Variants in TTBK2 observed in about 807,000 individuals in gnomAD.
TTBK2 encodes the protein tau-tubulin kinase 2.
In TTBK2, 28 loss-of-function variants were observed where a neutral mutation model predicts 110.8. That is an observed-to-expected ratio of 0.25 (90% CI 0.19 to 0.35). The LOEUF (loss-of-function observed/expected upper bound fraction) is 0.35. Ranked by LOEUF, TTBK2 falls within the 10% of genes least tolerant of loss-of-function variation. TTBK2 has a pLI of 1.00. For synonymous variants in TTBK2, 532 were observed against 527.3 expected, an observed-to-expected ratio of 1.01 and a Z score of -0.12; for missense variants, 1,369 against 1,500.3, an observed-to-expected ratio of 0.91 and a Z score of 1.45.
At chr15:42,851,532 T>C (rs1291448870) in intron 3 of TTBK2, among the ~76,000 whole-genome samples, 1 of 152,048 alleles carries the variant, frequency 6.6e-6, no homozygotes, top group Admixed American at 6.6e-5. Context: ...AGTGACTGAA[T>C]TTAAGGGACA....
chr15:42,884,693 A>T (rs1895174852), intron 1 of TTBK2, among the ~76,000 whole-genome samples: 1 of 152,176 alleles, frequency 6.6e-6, no homozygotes, highest in Admixed American at 6.5e-5. Context: ...CTAATGGTTT[A>T]ATCAATCAGG....
intron 10 of TTBK2, among the ~76,000 whole-genome samples, chr15:42,791,887 A>G (rs1318768742): frequency 6.6e-6 from 1 of 152,190 alleles, no homozygotes; most frequent in East Asian, 1.9e-4. Context: ...CGTGCCTGTG[A>G]TCTCAGTACT....
At chr15:42,764,803 C>T (rs1889279185) in intron 13 of TTBK2, among the ~76,000 whole-genome samples, 1 of 152,224 alleles carries the variant, frequency 6.6e-6, no homozygotes, top group Non-Finnish European at 1.5e-5. Flanking sequence ...AGACTGCCTC[C>T]TCAAGTGGGT....
chr15:42,796,912 G>C (rs1890969299), intron 9 of TTBK2, among the ~76,000 whole-genome samples: 1 of 152,190 alleles, frequency 6.6e-6, no homozygotes, highest in South Asian at 2.1e-4. Context: ...AAAAGATAAA[G>C]GGAACTGGAA....
At chr15:42,831,028 G>GTA (rs1305748252) in intron 4 of TTBK2, among the ~76,000 whole-genome samples, 7 of 150,016 alleles carry the variant, frequency 4.7e-5, no homozygotes, top group African/African-American at 1.7e-4. Context: ...ATATATGTGT[G>GTA]TGTGTGTGTG....
chr15:42,900,946 A>G (rs6493070), intron 1 of TTBK2, among the ~76,000 whole-genome samples: 143,848 of 152,248 alleles, frequency 0.94, 68,098 homozygotes, highest in East Asian at 1. Flanking sequence ...TCAACAAATG[A>G]TGTTGGGGAA....
chr15:42,896,018 A>C (rs1895653393), intron 1 of TTBK2, among the ~76,000 whole-genome samples: 1 of 152,146 alleles, frequency 6.6e-6, no homozygotes, highest in African/African-American at 2.4e-5. Flanking sequence ...ACAAAGATGC[A>C]AAGGCAATTC....
intron 1 of TTBK2, among the ~76,000 whole-genome samples, chr15:42,902,063 A>C (rs2141191509): frequency 6.6e-6 from 1 of 151,678 alleles, no homozygotes; most frequent in South Asian, 2.1e-4. Context: ...TAAAAATACA[A>C]AAATTAGCCA....
In TTBK2 at chr15:42,739,846, T is replaced by A. The variant is rs1251230615; in HGVS notation, c.*5949A>T. 1 of 152,150 alleles carries A rather than the reference T, an allele frequency of 6.6e-6. No homozygotes were observed. The highest frequency in any genetic ancestry group is 2.4e-5 in the African/African-American group (1 of 41,434). 9.4% of individuals were successfully genotyped at this position (152,150 alleles called of 1,614,324 possible). On this transcript the variant is annotated 3_prime_UTR_variant, in exon 15 of 15. Coordinates refer to ENST00000267890, the MANE Select transcript of TTBK2 (RefSeq NM_173500.4). The stretch of plus-strand genomic sequence containing the variant: ...CGAGTGAAGAATGCCCACACAGAGT[T>A]CAGATGTGGTGAAATGCTGGGCATT...
intron 13 of TTBK2, among the ~76,000 whole-genome samples, chr15:42,754,624 C>T (rs1261643752): frequency 2.7e-5 from 4 of 148,712 alleles, no homozygotes; most frequent in South Asian, 2.2e-4. Flanking sequence ...CTTGAACTCC[C>T]GACCTTAGGT....
chr15:42,787,866 G>A (rs534069352), intron 10 of TTBK2, among the ~76,000 whole-genome samples: 18 of 152,078 alleles, frequency 1.2e-4, no homozygotes, highest in African/African-American at 3.4e-4. Context: ...AAATGCCATC[G>A]TTAAGCAATT....
intron 7 of TTBK2, among the ~76,000 whole-genome samples, chr15:42,815,959 ATAT>A (rs1435079715): frequency 0.019 from 310 of 16,052 alleles, 13 homozygotes; most frequent in South Asian, 0.093. Context: ...TAAAAAAAAA[ATAT>A]ATATATATAT....
chr15:42,776,941 T>C, intron 12 of TTBK2, 90 bp downstream of exon 12: 3 of 1,391,712 alleles, frequency 2.2e-6, no homozygotes, highest in Non-Finnish European at 3.0e-6. Flanking sequence ...AGACTTTATG[T>C]AACAGAAATA....
chr15:42,802,743 G>A (rs1891278428), intron 9 of TTBK2, among the ~76,000 whole-genome samples: 1 of 152,180 alleles, frequency 6.6e-6, no homozygotes, highest in Non-Finnish European at 1.5e-5. Context: ...AATACTGAGT[G>A]TCAAATTGAC....
chr15:42,749,482 G>C (rs758083535), intron 14 of TTBK2, among the ~76,000 whole-genome samples: 3 of 152,210 alleles, frequency 2.0e-5, no homozygotes, highest in Non-Finnish European at 4.4e-5. Context: ...ATGGCAGGCA[G>C]CTGTGCACTT....
rs867218560 is a variant in TTBK2, at chr15:42,825,289, G to A, written c.537+2639C>T. 6.6e-5 allele frequency among the ~76,000 whole-genome samples: 10 copies of A among 152,272 alleles called. No homozygotes were observed. The South Asian group carries it at 8.3e-4, about 13-fold the overall frequency. ...CTAACTCCAAAACAAGTACCCTCAA[G>A]ATCTGCAGAAGAGAGAAGAAAGAAA... On this transcript the variant is annotated intron_variant, in intron 6 of 14. Transcript: ENST00000267890.
At chr15:42,793,944 C>G (rs145019245) in intron 10 of TTBK2, among the ~76,000 whole-genome samples, 1 of 151,906 alleles carries the variant, frequency 6.6e-6, no homozygotes, top group Non-Finnish European at 1.5e-5. Flanking sequence ...AGAGACGGGT[C>G]CCACTCTGTT....
chr15:42,780,342 T>C (rs1890131263), intron 11 of TTBK2, among the ~76,000 whole-genome samples: 1 of 150,460 alleles, frequency 6.6e-6, no homozygotes, highest in South Asian at 2.1e-4. Context: ...CAAGTCATTC[T>C]TTTTCTTTTT....
At chr15:42,865,774 G>A (rs990236528) in intron 3 of TTBK2, among the ~76,000 whole-genome samples, 1 of 151,978 alleles carries the variant, frequency 6.6e-6, no homozygotes, top group Admixed American at 6.6e-5. Context: ...AGTTAGCTAT[G>A]ATCACACCGC....
Sources: gnomAD v4.1 joint callset for allele counts (sites outside exome capture counted in the v4.1 genomes callset) on GRCh38, gnomAD v4.1.1 for gene constraint, MANE v1.5 for transcripts, NCBI Gene and HGNC (gene_info 2026-07-23, HGNC 2026-07-21) for gene names.